DNMT3A: variants seen among roughly 807,000 people sequenced by gnomAD.
DNMT3A encodes DNA methyltransferase 3 alpha.
DNMT3A carries 267 observed loss-of-function variants against 117.6 expected under a neutral mutation model. The observed-to-expected ratio is 2.27, with a 90% CI of 2.05 to 2.51. The LOEUF is 2.51. DNMT3A is among the 30% of genes most tolerant of loss of function. DNMT3A has a pLI of 0.00. For missense variants in DNMT3A, 1,029 were observed against 1,260.2 expected, an observed-to-expected ratio of 0.82 and a Z score of 2.78; for synonymous variants, 432 against 474.8, an observed-to-expected ratio of 0.91 and a Z score of 1.17.
chr2:25,268,576 G>T (rs6749992), intron 6 of DNMT3A, among the ~76,000 whole-genome samples: 66,384 of 151,996 alleles, frequency 0.44, 14,838 homozygotes, highest in Non-Finnish European at 0.48. Context: ...AGCTAAGGGA[G>T]TGCCTTCCTT....
intron 4 of DNMT3A, among the ~76,000 whole-genome samples, chr2:25,277,992 C>G (rs2149371137): frequency 6.8e-6 from 1 of 146,420 alleles, no homozygotes; most frequent in East Asian, 2.0e-4. Flanking sequence ...CGCATGCCCA[C>G]TTGAGTGATC....
chr2:25,249,656 C>T lies in DNMT3A; in HGVS notation c.640-1404G>A, dbSNP rs755977551. ...CCATTGCACAGCCTCCATCCTTTCA[C>T]CGTATCACACTCGTCTTTCAGGCTA... On this transcript the variant is annotated intron_variant, in intron 6 of 22. Coordinates refer to ENST00000321117, the MANE Select transcript of DNMT3A (RefSeq NM_022552.5). 5.6e-6 allele frequency: 9 copies of T among 1,614,122 alleles called. No homozygotes were observed. Among genetic ancestry groups the T allele is most frequent in the Non-Finnish European group, 7.6e-6 (9 of 1,180,040 alleles).
At chr2:25,302,904 G>A (rs2033595024) in intron 2 of DNMT3A, among the ~76,000 whole-genome samples, 1 of 152,184 alleles carries the variant, frequency 6.6e-6, no homozygotes, top group East Asian at 1.9e-4. Context: ...GTGGGCATGA[G>A]CCCAGCTTGT....
chr2:25,284,645 TAAAAAAAAAAAAAA>T (rs56901099), intron 3 of DNMT3A, among the ~76,000 whole-genome samples: 15 of 16,646 alleles, frequency 9.0e-4, no homozygotes, highest in Admixed American at 5.6e-3. Context: ...AGACTCCATC[TAAAAAAAAAAAAAA>T]AAAAAAAAAA....
At position 25,247,550 on chromosome 2, in the gene DNMT3A, C is replaced by T. The variant is rs1460538433; in HGVS notation, c.1014+41G>A. On this transcript the variant is annotated intron_variant, in intron 8 of 22. Transcript: ENST00000321117. This position sits in a 1 kb window ranked among gnomAD's most constrained non-coding sequence, Gnocchi z 5.6. ...AAACCACAGGCCCTGGGATCAAGAA[C>T]CTTCCCCCACCCCAGGCTACTGCCA... 7 of 1,601,706 alleles carry T rather than the reference C, an allele frequency of 4.4e-6. No individual in the cohort carries two copies. In the African/African-American group the frequency reaches 9.4e-5, roughly 21 times the overall value.
intron 6 of DNMT3A, among the ~76,000 whole-genome samples, chr2:25,263,535 G>C (rs1676781909): frequency 6.6e-6 from 1 of 152,120 alleles, no homozygotes; most frequent in African/African-American, 2.4e-5. Context: ...AAGTACTGAG[G>C]TCCATTAACT....
intron 2 of DNMT3A, among the ~76,000 whole-genome samples, chr2:25,300,600 TATATCTAAATAATATATTATTTAG>T (rs67680360): frequency 0.75 from 39,287 of 52,164 alleles, 17,736 homozygotes; most frequent in Non-Finnish European, 0.84. Flanking sequence ...CACCCATATA[TATATCTAAATAATATATTATTTAG>T]ATATCTAAAT....
intron 1 of DNMT3A, among the ~76,000 whole-genome samples, chr2:25,340,557 G>A (rs2035381732): frequency 6.6e-6 from 1 of 152,176 alleles, no homozygotes; most frequent in African/African-American, 2.4e-5. Flanking sequence ...GGGAACTGGG[G>A]TGAGGGCGGG....
In DNMT3A at chr2:25,306,986, T is replaced by C. The variant is rs2033811598; in HGVS notation, c.73-6743A>G. 6.8e-6 allele frequency among the ~76,000 whole-genome samples: 1 copy of C among 146,688 alleles called. No homozygotes were observed. Among genetic ancestry groups the C allele is most frequent in the African/African-American group, 2.5e-5 (1 of 39,674 alleles). ...AGCCCTTGCTTAATAGAGGGGAAGATCCAGATAAAACTACTTTGTAGCCGT... is the reference window on the plus strand; with the variant it reads ...AGCCCTTGCTTAATAGAGGGGAAGACCCAGATAAAACTACTTTGTAGCCGT... On this transcript the variant is annotated intron_variant, in intron 2 of 22. Transcript: ENST00000321117. This position sits in a 1 kb window ranked among gnomAD's most constrained non-coding sequence, Gnocchi z 4.1.
At chr2:25,309,776 C>A (rs1011862840) in intron 2 of DNMT3A, among the ~76,000 whole-genome samples, 1 of 152,104 alleles carries the variant, frequency 6.6e-6, no homozygotes, top group Non-Finnish European at 1.5e-5. Context: ...AAGATAGGCC[C>A]GGCGTGGTGG....
intron 1 of DNMT3A, among the ~76,000 whole-genome samples, chr2:25,340,952 G>A (rs186266530): frequency 0.016 from 2,374 of 144,118 alleles, 73 homozygotes; most frequent in African/African-American, 0.057. Flanking sequence ...CACGGCCCGC[G>A]GTGGGGACAG....
At position 25,305,152 on chromosome 2, in the gene DNMT3A, A is replaced by T. The variant is rs1400683766; in HGVS notation, c.73-4909T>A. Among the ~76,000 whole-genome samples, 1 of 152,234 alleles carries T rather than the reference A, an allele frequency of 6.6e-6. No homozygotes were observed. On this transcript the variant is annotated intron_variant, in intron 2 of 22. Coordinates refer to ENST00000321117, the MANE Select transcript of DNMT3A (RefSeq NM_022552.5). The surrounding 1 kb of genome is among the most constrained non-coding windows in gnomAD (Gnocchi z 4.1). ...AAATCTACAAACCCGTACAAATACA[A>T]CTGTGTACGAGGTTCCAGTGCCTCT...
intron 6 of DNMT3A, among the ~76,000 whole-genome samples, chr2:25,253,063 C>T (rs533351505): frequency 6.6e-6 from 1 of 152,310 alleles, no homozygotes; most frequent in Admixed American, 6.5e-5. Flanking sequence ...GAGGGCGCTC[C>T]TTCAGAAAGT....
rs1220838652 is a variant in DNMT3A at position 25,254,503 on chromosome 2, G to A, written c.640-6251C>T. Among the ~76,000 whole-genome samples, 3 of 152,002 alleles carry A rather than the reference G, an allele frequency of 2.0e-5. No homozygotes were observed. Among genetic ancestry groups the A allele is most frequent in the Non-Finnish European group, 4.4e-5 (3 of 68,014 alleles). On this transcript the variant is annotated intron_variant, in intron 6 of 22. Coordinates refer to ENST00000321117, the MANE Select transcript of DNMT3A (RefSeq NM_022552.5). The surrounding 1 kb of genome is among the most constrained non-coding windows in gnomAD (Gnocchi z 4.7). ...AACAAGCAAACAAACAAAAACACAG[G>A]CCCTCTTCTGTTCCAACCCATCTTT...
intron 1 of DNMT3A, among the ~76,000 whole-genome samples, chr2:25,317,052 A>T (rs2034410291): frequency 6.6e-6 from 1 of 152,152 alleles, no homozygotes; most frequent in South Asian, 2.1e-4. Flanking sequence ...AATGCAATAG[A>T]AACATTTTTT....
intron 19 of DNMT3A, 112 bp downstream of exon 19, chr2:25,240,190 C>G (rs1673813901): frequency 6.7e-7 from 1 of 1,501,144 alleles, no homozygotes; most frequent in African/African-American, 1.4e-5. Flanking sequence ...AGGCCCCTTG[C>G]AAAGCAGAAG....
Position 25,247,776 on chromosome 2 carries a change from T to C in DNMT3A, c.856-27A>G. The stretch of plus-strand genomic sequence containing the variant: ...TGGAGCCCCAAGGAGCAGAAATCAT[T>C]ACACAGTGGTCACGAGGCCCTGCCA... On this transcript the variant is annotated intron_variant, in intron 7 of 22. Coordinates refer to ENST00000321117, the MANE Select transcript of DNMT3A (RefSeq NM_022552.5). The surrounding 1 kb of genome is among the most constrained non-coding windows in gnomAD (Gnocchi z 5.6). 1 of 1,607,584 alleles carries C rather than the reference T, an allele frequency of 6.2e-7. No homozygotes were observed.
At chr2:25,313,402 C>A (rs942491475) in intron 2 of DNMT3A, among the ~76,000 whole-genome samples, 5 of 152,134 alleles carry the variant, frequency 3.3e-5, no homozygotes, top group Non-Finnish European at 5.9e-5. Context: ...AGTGTGCTGG[C>A]GCCACACTGA....
Position 25,274,588 on chromosome 2 carries a change from C to G in DNMT3A, c.639+353G>C, listed in dbSNP as rs1305262590. ...GCTCTTCGGTTCCTTCAGACCTTAA[C>G]TGAAATGCCACCTCCTCCAAGAAGC... On this transcript the variant is annotated intron_variant, in intron 6 of 22. Transcript: ENST00000321117. 2.6e-5 allele frequency among the ~76,000 whole-genome samples: 4 copies of G among 152,350 alleles called. No individual in the cohort carries two copies. The East Asian group carries it at 7.7e-4, about 29-fold the overall frequency.
Sources: gnomAD v4.1 joint callset for allele counts (sites outside exome capture counted in the v4.1 genomes callset) on GRCh38, gnomAD v4.1.1 for gene constraint, Gnocchi (gnomAD v3.1) non-coding constraint, MANE v1.5 for transcripts, NCBI Gene and HGNC (gene_info 2026-07-23, HGNC 2026-07-21) for gene names.